The following ZHX3 variants were observed in gnomAD, a reference collection of about 807,000 sequenced individuals.
The protein encoded by ZHX3 is zinc fingers and homeoboxes protein 3.
In ZHX3, 20 loss-of-function variants were observed where a neutral mutation model predicts 64.5. The ratio of observed to expected loss-of-function variants is 0.31; its 90% CI spans 0.22 to 0.45. The LOEUF (loss-of-function observed/expected upper bound fraction) is 0.45, where lower values mean the gene tolerates loss of function less well. ZHX3 is among the 20% of genes least tolerant of loss of function. The probability of loss-of-function intolerance (pLI) is 1.00; values close to 1 mark genes in which losing one functional copy is unlikely to be tolerated. For missense variants in ZHX3, 1,041 were observed against 1,195.8 expected (o/e 0.87, Z 1.91); for synonymous variants, 423 against 461.6 (o/e 0.92, Z 1.07).
intron 1 of ZHX3, among the ~76,000 whole-genome samples, chr20:41,291,466 G>A (rs1005802283): frequency 2.0e-5 from 3 of 152,242 alleles, no homozygotes; most frequent in South Asian, 2.1e-4. Context: ...TAACGAAGAC[G>A]CAGTAATTAT....
At chr20:41,303,144 C>T (rs1230778167) in intron 1 of ZHX3, among the ~76,000 whole-genome samples, 2 of 152,180 alleles carry the variant, frequency 1.3e-5, no homozygotes, top group East Asian at 3.8e-4. Flanking sequence ...AAGGTATGTC[C>T]AAGATCCCAT....
chr20:41,263,000 T>C (rs948660323), intron 2 of ZHX3, among the ~76,000 whole-genome samples: 23 of 152,226 alleles, frequency 1.5e-4, no homozygotes, highest in African/African-American at 5.3e-4. Context: ...TGTTCACCTT[T>C]AAAATTTGTT....
At position 41,204,253 on chromosome 20, in the gene ZHX3, C is replaced by T. The variant is rs2038513762; in HGVS notation, c.664G>A (p.Glu222Lys). 1 of 1,614,038 alleles carries T rather than the reference C, an allele frequency of 6.2e-7. No individual in the cohort carries two copies. The highest frequency in any genetic ancestry group is 1.3e-5 in the African/African-American group (1 of 74,940). The part of the protein sequence containing the change: ...GEALPKLSTG[E>K]MEVREGDHSF... The stretch of plus-strand genomic sequence containing the variant: ...TGGTCCCCCTCTCTCACCTCCATTT[C>T]TCCAGTCGACAGCTTTGGTAAGGCC... Residue 222 changes from glutamate (E) to lysine (K), a missense_variant, in exon 3 of 4, where the codon GAA (glutamate) becomes AAA (lysine). Glu to Lys is a moderately conservative substitution (Grantham distance 56). Coordinates refer to ENST00000683867, the MANE Select transcript of ZHX3 (RefSeq NM_001384317.1). The surrounding 1 kb of genome is among the most constrained non-coding windows in gnomAD (Gnocchi z 6.6).
chr20:41,317,704 CCGCTCTCGGAGG>C lies in ZHX3; in HGVS notation c.-452_-441del, dbSNP rs1317251435. ...CTCCGGGCCGCTCGGCTGGGCTCGG[CCGCTCTCGGAGG>C]CGCTCGGCTCTGCTCGGCCTTGCAC... On this transcript the variant is annotated 5_prime_UTR_variant, in exon 1 of 4. Coordinates refer to ENST00000683867, the MANE Select transcript of ZHX3 (RefSeq NM_001384317.1). 1 of 151,822 alleles carries C rather than the reference CCGCTCTCGGAGG, an allele frequency of 6.6e-6. No individual in the cohort carries two copies. Among genetic ancestry groups the C allele is most frequent in the Admixed American group, 6.6e-5 (1 of 15,248 alleles). The allele number at this position is 151,822 out of a possible 1,614,324, so 9.4% of individuals were successfully genotyped here.
chr20:41,233,853 C>G (rs1313880683), intron 2 of ZHX3, among the ~76,000 whole-genome samples: 1 of 152,154 alleles, frequency 6.6e-6, no homozygotes, highest in African/African-American at 2.4e-5. Context: ...GCATAAAGTC[C>G]CAAGACATGT....
At chr20:41,302,545 A>G (rs2044854372) in intron 1 of ZHX3, among the ~76,000 whole-genome samples, 1 of 152,180 alleles carries the variant, frequency 6.6e-6, no homozygotes, top group Non-Finnish European at 1.5e-5. Flanking sequence ...CTCTTCTCAG[A>G]GCCACCTCAA....
At chr20:41,258,511 C>T (rs2042387095) in intron 2 of ZHX3, among the ~76,000 whole-genome samples, 1 of 152,086 alleles carries the variant, frequency 6.6e-6, no homozygotes, top group Non-Finnish European at 1.5e-5. Context: ...TTGTTCTTTC[C>T]TTATCATTCA....
chr20:41,216,200 C>A (rs1250366198), intron 2 of ZHX3, among the ~76,000 whole-genome samples: 1 of 152,128 alleles, frequency 6.6e-6, no homozygotes, highest in Non-Finnish European at 1.5e-5. Context: ...CATAAATAAA[C>A]CTCAACCCAT....
chr20:41,303,276 T>TAAG (rs146614043), intron 1 of ZHX3, among the ~76,000 whole-genome samples: 81 of 152,326 alleles, frequency 5.3e-4, no homozygotes, highest in African/African-American at 1.9e-3. Flanking sequence ...CACACTGAAC[T>TAAG]AAGGTACAAG....
At chr20:41,302,689 C>CA (rs1392931341) in intron 1 of ZHX3, among the ~76,000 whole-genome samples, 1 of 152,246 alleles carries the variant, frequency 6.6e-6, no homozygotes, top group Non-Finnish European at 1.5e-5. Flanking sequence ...AAAAGCCTCC[C>CA]AATCATGCCC....
At chr20:41,265,865 G>A (rs1321292582) in intron 2 of ZHX3, among the ~76,000 whole-genome samples, 1 of 152,196 alleles carries the variant, frequency 6.6e-6, no homozygotes, top group Non-Finnish European at 1.5e-5. Context: ...GAAGAAACCT[G>A]AGAAAAGACA....
At chr20:41,263,299 T>G (rs928758635) in intron 2 of ZHX3, among the ~76,000 whole-genome samples, 5 of 151,898 alleles carry the variant, frequency 3.3e-5, no homozygotes, top group South Asian at 2.1e-4. Flanking sequence ...GAAAAAAGAA[T>G]AGAGAGCAGT....
chr20:41,192,429 G>A (rs1600715193), intron 3 of ZHX3, among the ~76,000 whole-genome samples: 1 of 152,232 alleles, frequency 6.6e-6, no homozygotes, highest in Admixed American at 6.5e-5. Flanking sequence ...TGCTTGGATA[G>A]GGAGTGGCAG....
At position 41,204,207 on chromosome 20, in the gene ZHX3, A is replaced by G. The variant is rs915243358; in HGVS notation, c.710T>C (p.Val237Ala). ...GCTGGCAGATGCCTGGCTGACTGGA[A>G]CTGCCCCATTGATGAAGGAATGGTC... ...EGDHSFINGA[V>A]PVSQASASSA... The change falls in exon 3 of 4, where the codon GTT becomes GCT. Residue 237 changes from valine (V) to alanine (A), a missense_variant. Physicochemically the swap from Val to Ala is moderately conservative, Grantham distance 64 (BLOSUM62 0). Coordinates refer to ENST00000683867, the MANE Select transcript of ZHX3 (RefSeq NM_001384317.1). The surrounding 1 kb of genome is among the most constrained non-coding windows in gnomAD (Gnocchi z 6.6). The G allele has an allele frequency of 2.5e-6, 4 of 1,612,398 alleles. No individual in the cohort carries two copies. In the African/African-American group the frequency reaches 4.0e-5, roughly 16 times the overall value.
intron 3 of ZHX3, among the ~76,000 whole-genome samples, chr20:41,199,440 A>G (rs2038034517): frequency 6.6e-6 from 1 of 151,902 alleles, no homozygotes; most frequent in Non-Finnish European, 1.5e-5. Context: ...TTTTCCAACT[A>G]TTTTTGTGAA....
chr20:41,296,820 G>T (rs2044554023), intron 1 of ZHX3, among the ~76,000 whole-genome samples: 1 of 152,192 alleles, frequency 6.6e-6, no homozygotes, highest in Non-Finnish European at 1.5e-5. Context: ...TTCTACTTGT[G>T]GCGTATGCAT....
chr20:41,248,006 C>T (rs935945967), intron 2 of ZHX3, among the ~76,000 whole-genome samples: 2 of 152,266 alleles, frequency 1.3e-5, no homozygotes, highest in South Asian at 2.1e-4. Flanking sequence ...CATTTGAGAC[C>T]GATGGTATCA....
In ZHX3 at chr20:41,180,492, T is replaced by A; in HGVS notation, c.*4699A>T. 1 of 152,256 alleles carries A rather than the reference T, an allele frequency of 6.6e-6. No homozygotes were observed. Among genetic ancestry groups the A allele is most frequent in the South Asian group, 2.1e-4 (1 of 4,826 alleles). The allele number at this position is 152,256 out of a possible 1,614,324, so 9.4% of individuals were successfully genotyped here. ...CTGGATCTAGAGCTAAATAGAAACT[T>A]CTTTGCCATAGAAACTTCTCTGTTG... On this transcript the variant is annotated 3_prime_UTR_variant, in exon 4 of 4. Transcript: ENST00000683867.
At chr20:41,217,104 C>G (rs576513380) in intron 2 of ZHX3, among the ~76,000 whole-genome samples, 1 of 152,132 alleles carries the variant, frequency 6.6e-6, no homozygotes, top group Non-Finnish European at 1.5e-5. Context: ...TGGAGCCCAT[C>G]TACCACAGGA....
Sources: allele counts gnomAD v4.1 joint callset (sites outside exome capture counted in the v4.1 genomes callset), GRCh38; gene constraint gnomAD v4.1.1; non-coding constraint Gnocchi (gnomAD v3.1); transcripts MANE v1.5; gene names NCBI Gene and HGNC (gene_info 2026-07-23, HGNC 2026-07-21).